Variants in SAMD12 observed in about 807,000 individuals in gnomAD.
SAMD12 encodes sterile alpha motif domain-containing protein 12.
A neutral mutation model predicts 15.0 loss-of-function variants in SAMD12; 9 were observed. The observed-to-expected ratio is 0.60, with a 90% CI of 0.36 to 1.05. The LOEUF is 1.05. Ranked by LOEUF, SAMD12 falls within the 50% of genes least tolerant of loss-of-function variation. The pLI is 0.01. For missense variants in SAMD12, 230 were observed against 234.2 expected, an observed-to-expected ratio of 0.98 and a Z score of 0.12; for synonymous variants, 86 against 90.1, an observed-to-expected ratio of 0.96 and a Z score of 0.25.
At chr8:118,337,243 A>C (rs1817128070) in intron 4 of SAMD12, among the ~76,000 whole-genome samples, 1 of 152,206 alleles carries the variant, frequency 6.6e-6, no homozygotes, top group African/African-American at 2.4e-5. Flanking sequence ...AAGATTATGC[A>C]AACAAAGCGG....
intron 3 of SAMD12, 107 bp downstream of exon 3, chr8:118,439,724 CA>C: frequency 9.1e-7 from 1 of 1,096,666 alleles, no homozygotes; most frequent in South Asian, 1.5e-5. Flanking sequence ...AAACCCATGC[CA>C]GAAAATTTCA....
intron 2 of SAMD12, among the ~76,000 whole-genome samples, chr8:118,462,122 C>T (rs376234158): frequency 1.3e-5 from 2 of 152,148 alleles, no homozygotes; most frequent in Non-Finnish European, 2.9e-5. Flanking sequence ...CTGTTCCTTC[C>T]TAAGCCTCCT....
intron 4 of SAMD12, among the ~76,000 whole-genome samples, chr8:118,295,037 ACTT>A (rs1274487568): frequency 3.3e-5 from 5 of 152,052 alleles, no homozygotes; most frequent in Non-Finnish European, 5.9e-5. Context: ...AAGAAAACAA[ACTT>A]CTTTTTTTTT....
At position 118,580,866 on chromosome 8, in the gene SAMD12, C is replaced by A; in HGVS notation, c.41G>T (p.Gly14Val). ...EALHCGLNPR[G>V]IDHPAHAEGI... ...TTCAGCATGGGCAGGGTGATCAATA[C>A]CCCGTGGATTCAAACCACAGTGGAG... Residue 14 changes from glycine (G) to valine (V), a missense_variant, in exon 2 of 4, where the codon GGT (glycine) becomes GTT (valine). Coordinates refer to ENST00000314727, the MANE Select transcript of SAMD12 (RefSeq NM_207506.3). 6.2e-7 allele frequency: 1 copy of A among 1,612,430 alleles called. No homozygotes were observed. The highest frequency in any genetic ancestry group is 1.1e-5 in the South Asian group (1 of 90,836).
chr8:118,563,272 T>G (rs768494660), intron 2 of SAMD12, among the ~76,000 whole-genome samples: 1 of 152,244 alleles, frequency 6.6e-6, no homozygotes, highest in Non-Finnish European at 1.5e-5. Flanking sequence ...CTGTTATATA[T>G]AGATCAAATA....
At chr8:118,135,150 T>C in the SAMD12 span, among the ~76,000 whole-genome samples, 3 of 152,166 alleles carry the variant, frequency 2.0e-5, no homozygotes, top group African/African-American at 7.2e-5. Context: ...TAAATAATGA[T>C]GAATATTATA....
chr8:118,318,110 T>C (rs1341902620), intron 4 of SAMD12, among the ~76,000 whole-genome samples: 2 of 151,750 alleles, frequency 1.3e-5, no homozygotes, highest in Admixed American at 1.3e-4. Flanking sequence ...CGAATGTAAT[T>C]TACTACAACC....
At chr8:118,238,252 T>C (rs1356248023) in intron 4 of SAMD12, among the ~76,000 whole-genome samples, 1 of 152,110 alleles carries the variant, frequency 6.6e-6, no homozygotes, top group Non-Finnish European at 1.5e-5. Flanking sequence ...AAGTAAGGGA[T>C]TATACATGCT....
downstream of SAMD12, among the ~76,000 whole-genome samples, chr8:118,377,028 CT>C (rs757390850): frequency 1.8e-3 from 270 of 148,818 alleles, 6 homozygotes; most frequent in Admixed American, 0.015. Context: ...ATTTTGTTTC[CT>C]TTTTTTTTTA....
At chr8:118,365,721 T>C (rs1342351418) in intron 4 of SAMD12, among the ~76,000 whole-genome samples, 1 of 152,162 alleles carries the variant, frequency 6.6e-6, no homozygotes, top group Non-Finnish European at 1.5e-5. Context: ...TGTCTATATA[T>C]ACCCTATTGG....
chr8:118,215,594 C>T lies in SAMD12; in HGVS notation c.434-17862G>A, dbSNP rs529153412. Among the ~76,000 whole-genome samples the T allele has an allele frequency of 2.8e-4, 42 of 152,128 alleles. 1 individual carries two copies. The highest frequency in any genetic ancestry group is 1.9e-3 in the Admixed American group (29 of 15,278). The stretch of plus-strand genomic sequence containing the variant: ...TCGTCATCTAGCATTATGTATATCT[C>T]CCAATGCTATCCCTCCCCTCTCCCC... On this transcript the variant is annotated intron_variant, in intron 4 of 4. Transcript: ENST00000409003.
intron 4 of SAMD12, among the ~76,000 whole-genome samples, chr8:118,243,243 C>T (rs1429314971): frequency 6.6e-6 from 1 of 152,126 alleles, no homozygotes; most frequent in Non-Finnish European, 1.5e-5. Flanking sequence ...TATATATCCA[C>T]ACTCAATAGT....
At chr8:118,235,499 T>G (rs1246633876) in intron 4 of SAMD12, among the ~76,000 whole-genome samples, 1 of 151,282 alleles carries the variant, frequency 6.6e-6, no homozygotes. Flanking sequence ...ATGAGAAGTC[T>G]ATTTTTAAAA....
rs568253964 is a variant in SAMD12, at chr8:118,553,075, A to C, written c.192+27640T>G. 1.8e-3 allele frequency among the ~76,000 whole-genome samples: 272 copies of C among 152,194 alleles called. 1 individual carries two copies. The highest frequency in any genetic ancestry group is 6.4e-3 in the African/African-American group (266 of 41,534). ...GAACATTCCATGCTCATGGATAGGA[A>C]GAATCAATATCGTGAAAATGGCCAT... On this transcript the variant is annotated intron_variant, in intron 2 of 3. Transcript: ENST00000314727.
At chr8:118,417,002 T>G (rs1343835619) in intron 3 of SAMD12, among the ~76,000 whole-genome samples, 1 of 152,226 alleles carries the variant, frequency 6.6e-6, no homozygotes, top group Non-Finnish European at 1.5e-5. Flanking sequence ...TAAATGGAGC[T>G]AAGTGAAACT....
At chr8:118,134,687 G>A in the SAMD12 span, among the ~76,000 whole-genome samples, 1 of 152,126 alleles carries the variant, frequency 6.6e-6, no homozygotes, top group Non-Finnish European at 1.5e-5. Context: ...CACTAGCTTC[G>A]GGTATAACCA....
chr8:118,502,273 A>AAC (rs1824806072), intron 2 of SAMD12, among the ~76,000 whole-genome samples: 1 of 152,210 alleles, frequency 6.6e-6, no homozygotes, highest in Admixed American at 6.5e-5. Context: ...TTGAACTTGT[A>AAC]ACATCTTTTT....
chr8:118,407,919 C>G (rs1434603966), intron 3 of SAMD12, among the ~76,000 whole-genome samples: 2 of 152,072 alleles, frequency 1.3e-5, no homozygotes, highest in Non-Finnish European at 2.9e-5. Context: ...TACTATTAAC[C>G]CTTTTCAACT....
intron 4 of SAMD12, among the ~76,000 whole-genome samples, chr8:118,257,840 C>A (rs1034853214): frequency 6.6e-6 from 1 of 152,064 alleles, no homozygotes; most frequent in African/African-American, 2.4e-5. Flanking sequence ...GTTCTTCTCC[C>A]GATGTTCAGT....
Sources: allele counts gnomAD v4.1 joint callset (sites outside exome capture counted in the v4.1 genomes callset), GRCh38; gene constraint gnomAD v4.1.1; transcripts MANE v1.5; gene names NCBI Gene and HGNC (gene_info 2026-07-23, HGNC 2026-07-21).